The following XIRP2 variants were observed in gnomAD, a reference collection of about 807,000 sequenced individuals.
The protein encoded by XIRP2 is xin actin-binding repeat-containing protein 2.
Under a neutral mutation model 277.0 loss-of-function variants are expected in XIRP2, and 236 were observed. The observed-to-expected ratio is 0.85, with a 90% CI of 0.77 to 0.95. XIRP2 has a LOEUF of 0.95. Among genes scored for constraint, XIRP2 ranks in the 40% least tolerant of loss-of-function variants. The pLI, the probability that XIRP2 is intolerant of heterozygous loss-of-function variation, is 0.00. For missense variants in XIRP2, 4,640 were observed against 4,157.5 expected (o/e 1.12, Z -3.19); for synonymous variants, 1,490 against 1,416.5 (o/e 1.05, Z -1.17).
intron 5 of XIRP2, among the ~76,000 whole-genome samples, chr2:167,233,608 G>T (rs1032394201): frequency 1.3e-5 from 2 of 151,660 alleles, no homozygotes; most frequent in Non-Finnish European, 3.0e-5. Flanking sequence ...GGTGAGGAAG[G>T]GATGGTAATC....
chr2:166,938,167 G>A (rs1685573954), intron 2 of XIRP2, among the ~76,000 whole-genome samples: 1 of 152,198 alleles, frequency 6.6e-6, no homozygotes, highest in African/African-American at 2.4e-5. Flanking sequence ...TGCTTTTCTA[G>A]TTCTTTTAGT....
In XIRP2 at chr2:167,243,077, A is replaced by G. The variant is rs779490760; in HGVS notation, c.1685A>G (p.Glu562Gly). The G allele has an allele frequency of 2.5e-6, 4 of 1,614,050 alleles. No homozygotes were observed. The highest frequency in any genetic ancestry group is 2.5e-6 in the Non-Finnish European group (3 of 1,179,958). ...SSQKDLNSER[E>G]YLEWDEILKG... Reference sequence around the variant, plus strand: ...CAAAAAGATCTGAACTCAGAAAGAGAATACTTGGAATGGGATGAAATTCTG... The same window carrying G: ...CAAAAAGATCTGAACTCAGAAAGAGGATACTTGGAATGGGATGAAATTCTG... The change falls in exon 9 of 11, where the codon GAA becomes GGA. Residue 562 changes from glutamate to glycine, a missense_variant. Glu to Gly is a moderately conservative substitution (Grantham distance 98). Coordinates refer to ENST00000409195, the MANE Select transcript of XIRP2 (RefSeq NM_152381.6).
At chr2:167,017,361 T>C (rs1211490190) in intron 2 of XIRP2, among the ~76,000 whole-genome samples, 1 of 151,918 alleles carries the variant, frequency 6.6e-6, no homozygotes, top group Non-Finnish European at 1.5e-5. Flanking sequence ...ACCAAGAAGG[T>C]CCAAGTAGAT....
intron 3 of XIRP2, among the ~76,000 whole-genome samples, chr2:167,178,270 C>T (rs73025729): frequency 0.099 from 15,031 of 152,008 alleles, 796 homozygotes; most frequent in South Asian, 0.15. Context: ...ATGTTTTATG[C>T]ATAATTTCTT....
chr2:167,217,347 C>G (rs78790682), intron 4 of XIRP2, among the ~76,000 whole-genome samples: 1 of 151,702 alleles, frequency 6.6e-6, no homozygotes, highest in African/African-American at 2.4e-5. Context: ...AGATTAGAAC[C>G]CTTCTAATGT....
At chr2:166,913,450 A>T (rs1259346204) in intron 2 of XIRP2, among the ~76,000 whole-genome samples, 1 of 152,038 alleles carries the variant, frequency 6.6e-6, no homozygotes, top group Non-Finnish European at 1.5e-5. Context: ...GCTCAGCTGG[A>T]AATGCAGAAA....
Position 166,920,867 on chromosome 2 carries a change from A to G in XIRP2, c.408+16977A>G, listed in dbSNP as rs531400983. ...AGTTCCCACTGTCAGTTGGTGGTTG[A>G]AAAAGAAATCTAACCCAGTCAGGTG... is the stretch of plus-strand genomic sequence containing the variant. On this transcript the variant is annotated intron_variant, in intron 2 of 10. Coordinates refer to ENST00000409195, the MANE Select transcript of XIRP2 (RefSeq NM_152381.6). Among the ~76,000 whole-genome samples the G allele has an allele frequency of 6.6e-5, 10 of 152,198 alleles. No homozygotes were observed. In the South Asian group the frequency reaches 2.1e-3, roughly 32 times the overall value.
chr2:166,945,905 A>T (rs572395203), intron 2 of XIRP2, among the ~76,000 whole-genome samples: 2 of 152,034 alleles, frequency 1.3e-5, no homozygotes, highest in South Asian at 4.1e-4. Context: ...CTGGTCTCGA[A>T]CTCCTGTCTG....
At chr2:166,925,886 A>G (rs1426501393) in intron 2 of XIRP2, among the ~76,000 whole-genome samples, 1 of 151,592 alleles carries the variant, frequency 6.6e-6, no homozygotes, top group Non-Finnish European at 1.5e-5. Flanking sequence ...TTTGGGCAAA[A>G]CAGGAAGACC....
At chr2:166,904,011 A>C (rs1684456030) in intron 2 of XIRP2, 121 bp downstream of exon 2, 1 of 1,161,812 alleles carries the variant, frequency 8.6e-7, no homozygotes, top group African/African-American at 1.5e-5. Flanking sequence ...CCTGAAGCCG[A>C]TGTGTAATGC....
chr2:167,093,603 T>A (rs1003037857), intron 2 of XIRP2, among the ~76,000 whole-genome samples: 4 of 152,158 alleles, frequency 2.6e-5, no homozygotes, highest in African/African-American at 9.7e-5. Flanking sequence ...TTACTGAGAA[T>A]GATGCTTTCC....
At chr2:167,204,454 G>C (rs1366107462) in intron 3 of XIRP2, among the ~76,000 whole-genome samples, 1 of 152,174 alleles carries the variant, frequency 6.6e-6, no homozygotes, top group Non-Finnish European at 1.5e-5. Context: ...AGTTGTCACA[G>C]AGCCTGGGGC....
chr2:166,958,072 A>G (rs1686208680), intron 2 of XIRP2, among the ~76,000 whole-genome samples: 6 of 151,852 alleles, frequency 4.0e-5, no homozygotes, highest in Admixed American at 6.6e-5. Flanking sequence ...AGTGGTTTAT[A>G]TTTGCCCTTG....
chr2:166,995,392 C>G (rs1219775633), intron 2 of XIRP2, among the ~76,000 whole-genome samples: 1 of 152,166 alleles, frequency 6.6e-6, no homozygotes, highest in Non-Finnish European at 1.5e-5. Context: ...TACTGCCTCT[C>G]TAAATTACTG....
At chr2:167,163,378 T>G (rs1021187099) in intron 3 of XIRP2, among the ~76,000 whole-genome samples, 3 of 152,240 alleles carry the variant, frequency 2.0e-5, no homozygotes, top group African/African-American at 7.2e-5. Context: ...ATGAGTTGTA[T>G]TCCCTTGTAG....
At chr2:167,076,251 A>G (rs947149799) in intron 2 of XIRP2, among the ~76,000 whole-genome samples, 2 of 152,238 alleles carry the variant, frequency 1.3e-5, no homozygotes, top group Non-Finnish European at 2.9e-5. Context: ...CCAAAGAAAT[A>G]TAGAAGCAAT....
At chr2:167,039,102 C>G (rs1404879205) in intron 2 of XIRP2, among the ~76,000 whole-genome samples, 2 of 151,924 alleles carry the variant, frequency 1.3e-5, no homozygotes, top group Non-Finnish European at 1.5e-5. Context: ...TAACAAAAAT[C>G]CAATTTAGAA....
chr2:167,026,668 AG>A (rs1558953021), intron 2 of XIRP2, among the ~76,000 whole-genome samples: 2 of 152,160 alleles, frequency 1.3e-5, no homozygotes, highest in Admixed American at 1.3e-4. Flanking sequence ...AAAATCTCTC[AG>A]CATTTGCTTG....
In XIRP2 at chr2:166,903,761, A is replaced by G. The variant is rs201236318; in HGVS notation, c.279A>G (p.Pro93=). ...ACAACACCAGGGAATATGGTCGGCC[A>G]GAAGTGCTGAAGGAGGATTCCCTGA... ...KSNNTREYGR[P]EVLKEDSLSS... is the part of the protein sequence containing the mutation. The change falls in exon 2 of 11, where the codon CCA becomes CCG. Residue 93 remains proline, a synonymous_variant. Coordinates refer to ENST00000409195, the MANE Select transcript of XIRP2 (RefSeq NM_152381.6). The G allele has an allele frequency of 3.0e-4, 480 of 1,613,596 alleles. 1 individual carries two copies. Among genetic ancestry groups the G allele is most frequent in the Non-Finnish European group, 3.7e-4 (440 of 1,179,812 alleles).
Sources: allele counts gnomAD v4.1 joint callset (sites outside exome capture counted in the v4.1 genomes callset), GRCh38; gene constraint gnomAD v4.1.1; transcripts MANE v1.5; gene names NCBI Gene and HGNC (gene_info 2026-07-23, HGNC 2026-07-21).